Variants in GRWD1 observed in about 807,000 individuals in gnomAD.
GRWD1 encodes glutamate-rich WD repeat-containing protein 1.
A neutral mutation model predicts 45.3 loss-of-function variants in GRWD1; 29 were observed. The observed-to-expected ratio is 0.64, with a 90% confidence interval of 0.48 to 0.87. GRWD1 has a LOEUF of 0.87. GRWD1 is among the 40% of genes least tolerant of loss of function. The probability of loss-of-function intolerance (pLI) is 0.00; values close to 1 mark genes in which losing one functional copy is unlikely to be tolerated. For synonymous variants in GRWD1, 262 were observed against 257.6 expected, an observed-to-expected ratio of 1.02 and a Z score of -0.16; for missense variants, 592 against 618.8, an observed-to-expected ratio of 0.96 and a Z score of 0.46.
In GRWD1 at chr19:48,450,638, G is replaced by A. The variant is rs771599461; in HGVS notation, c.683-28G>A. 8.1e-6 allele frequency: 13 copies of A among 1,611,342 alleles called. No homozygotes were observed. Among genetic ancestry groups the A allele is most frequent in the South Asian group, 6.6e-5 (6 of 91,002 alleles). The stretch of plus-strand genomic sequence containing the variant: ...GGAGCGAGCTGCGGCCAGGTGGGGC[G>A]AGGTCATTTCCTGACTCCCTTCCCC... On this transcript the variant is annotated intron_variant, in intron 4 of 6. Coordinates refer to ENST00000253237, the MANE Select transcript of GRWD1 (RefSeq NM_031485.4). The surrounding 1 kb of genome is among the most constrained non-coding windows in gnomAD (Gnocchi z 5.1).
intron 3 of GRWD1, among the ~76,000 whole-genome samples, chr19:48,447,275 C>G (rs1328830827): frequency 1.3e-5 from 2 of 151,800 alleles, no homozygotes; most frequent in Non-Finnish European, 1.5e-5. Flanking sequence ...GAGATGAAGT[C>G]TTGCTCTGTC....
rs1012943613 is a variant in GRWD1 at position 48,450,158 on chromosome 19, C to T, written c.469-155C>T. Among the ~76,000 whole-genome samples the T allele has an allele frequency of 6.8e-6, 1 of 146,954 alleles. No homozygotes were observed. Among genetic ancestry groups the T allele is most frequent in the Non-Finnish European group, 1.5e-5 (1 of 66,534 alleles). On this transcript the variant is annotated intron_variant, in intron 3 of 6. Coordinates refer to ENST00000253237, the MANE Select transcript of GRWD1 (RefSeq NM_031485.4). The surrounding 1 kb of genome is among the most constrained non-coding windows in gnomAD (Gnocchi z 5.1). ...GCTGGTTTTTGCAGGTTGTGATTTT[C>T]TTCCCACAGAGGTTTCAAGGAGCTG... is the stretch of plus-strand genomic sequence containing the variant.
At position 48,454,096 on chromosome 19, in the gene GRWD1, C is replaced by T. The variant is rs1054707900; in HGVS notation, c.*1071C>T. The T allele has an allele frequency of 6.6e-6, 1 of 152,260 alleles. No individual in the cohort carries two copies. The highest frequency in any genetic ancestry group is 1.5e-5 in the Non-Finnish European group (1 of 68,140). The allele number at this position is 152,260 out of a possible 1,614,324, so 9.4% of individuals were successfully genotyped here. ...CGTTCTGCCTTCTCTAAGTGTCCTT[C>T]CATCTGGAACTCACTCTGGCTTAGT... On this transcript the variant is annotated 3_prime_UTR_variant, in exon 7 of 7. Transcript: ENST00000253237.
At position 48,452,750 on chromosome 19, in the gene GRWD1, G is replaced by A. The variant is rs765966446; in HGVS notation, c.1066G>A (p.Val356Met). The A allele has an allele frequency of 1.9e-6, 3 of 1,597,824 alleles. No individual in the cohort carries two copies. The highest frequency in any genetic ancestry group is 2.6e-6 in the Non-Finnish European group (3 of 1,168,040). ...CACCTTCAAGCAGCACGTGGCCCCCGTGACCTCCGTCGAGTGGCACCCCCA... is the reference window on the plus strand; with the variant it reads ...CACCTTCAAGCAGCACGTGGCCCCCATGACCTCCGTCGAGTGGCACCCCCA... ...VATFKQHVAP[V>M]TSVEWHPQDS... The change falls in exon 7 of 7, where the codon GTG (valine) becomes ATG (methionine). Residue 356 changes from valine to methionine, a missense_variant. Transcript: ENST00000253237. The surrounding 1 kb of genome is among the most constrained non-coding windows in gnomAD (Gnocchi z 5.1).
chr19:48,451,352 TA>T (rs1357490032), intron 6 of GRWD1, 121 bp downstream of exon 6: 7 of 830,700 alleles, frequency 8.4e-6, no homozygotes, highest in Non-Finnish European at 1.1e-5. Flanking sequence ...CCCTTAGAAC[TA>T]GACTCCTGCC....
chr19:48,453,259 TGTGTGGCCTG>T lies in GRWD1; in HGVS notation c.*245_*254del, dbSNP rs569898395. ...GTAAGACCACTCCCACCCAGAGACTTGTGTGGCCTGGTGTGGCCTGTGTGTCGGATTCCTT... is the reference window on the plus strand; with the variant it reads ...GTAAGACCACTCCCACCCAGAGACTTGTGTGGCCTGTGTGTCGGATTCCTT... On this transcript the variant is annotated 3_prime_UTR_variant, in exon 7 of 7. Coordinates refer to ENST00000253237, the MANE Select transcript of GRWD1 (RefSeq NM_031485.4). 1,071 of 488,182 alleles carry T rather than the reference TGTGTGGCCTG, an allele frequency of 2.2e-3. 1 individual carries two copies. The highest frequency in any genetic ancestry group is 3.0e-3 in the Non-Finnish European group (838 of 274,802). The allele number at this position is 488,182 out of a possible 1,614,324, so 30.2% of individuals were successfully genotyped here.
In GRWD1 at chr19:48,446,053, C is replaced by T; in HGVS notation, c.48C>T (p.Pro16=). 6.3e-7 allele frequency: 1 copy of T among 1,597,814 alleles called. No individual in the cohort carries two copies. The highest frequency in any genetic ancestry group is 8.5e-7 in the Non-Finnish European group (1 of 1,173,680). Residue 16 remains proline (P), a synonymous_variant, in exon 1 of 7, where the codon CCC becomes CCT. Coordinates refer to ENST00000253237, the MANE Select transcript of GRWD1 (RefSeq NM_031485.4). ...GGCGCACGTGTGAAACCGGGGAACC[C>T]ATGGAAGCCGAGTCCGGCGACACAA... ...GRRRTCETGE[P]MEAESGDTSS... is the part of the protein sequence containing the mutation.
Position 48,453,085 on chromosome 19 carries a change from C to T in GRWD1, c.*60C>T. On this transcript the variant is annotated 3_prime_UTR_variant, in exon 7 of 7. Transcript: ENST00000253237. The stretch of plus-strand genomic sequence containing the variant: ...GGAAACTGAAGTCGAATTGGGCTCC[C>T]CTGGAAGGGGTTCATTCAGGTCTGT... 3 of 1,467,050 alleles carry T rather than the reference C, an allele frequency of 2.0e-6. No individual in the cohort carries two copies. The highest frequency in any genetic ancestry group is 2.8e-6 in the Non-Finnish European group (3 of 1,086,044). The allele number at this position is 1,467,050 out of a possible 1,614,324, so 90.9% of individuals were successfully genotyped here. A position where few individuals can be genotyped will look rare whatever the true frequency, so the allele number is the denominator to read the frequency against.
rs189622051 is a variant in GRWD1, at chr19:48,447,492, C to T, written c.468+649C>T. Among the ~76,000 whole-genome samples the T allele has an allele frequency of 3.0e-3, 459 of 152,154 alleles. 14 individuals are homozygous for T. Among genetic ancestry groups the T allele is most frequent in the East Asian group, 5.6e-3 (29 of 5,152 alleles). ...TCCTGACCTCGTGATCCGCCTGCCT[C>T]GGCTTCCCAAAGTGCTGAGATTACA... On this transcript the variant is annotated intron_variant, in intron 3 of 6. Transcript: ENST00000253237.
rs1346304672 is a variant in GRWD1 at position 48,454,771 on chromosome 19, A to AC, written c.*1750dup. On this transcript the variant is annotated 3_prime_UTR_variant, in exon 7 of 7. Transcript: ENST00000253237. ...CCCAGGTTCAGTGCCTCCAACTCTC[A>AC]CCCCATCCCCATTTTATGCATTTTC... The AC allele has an allele frequency of 6.7e-6, 1 of 149,492 alleles. No homozygotes were observed. The highest frequency in any genetic ancestry group is 1.5e-5 in the Non-Finnish European group (1 of 67,524). 9.3% of individuals were successfully genotyped at this position (149,492 alleles called of 1,614,324 possible).
chr19:48,450,593 G>C lies in GRWD1; in HGVS notation c.682+67G>C. 1 of 1,609,702 alleles carries C rather than the reference G, an allele frequency of 6.2e-7. No homozygotes were observed. Among genetic ancestry groups the C allele is most frequent in the Non-Finnish European group, 8.5e-7 (1 of 1,177,262 alleles). The stretch of plus-strand genomic sequence containing the variant: ...AGCAGGGTCTGCAACAAGGGGCCGG[G>C]CGCTTAGACTCCAAGGAGGGGAGCG... On this transcript the variant is annotated intron_variant, in intron 4 of 6. Coordinates refer to ENST00000253237, the MANE Select transcript of GRWD1 (RefSeq NM_031485.4). The surrounding 1 kb of genome is among the most constrained non-coding windows in gnomAD (Gnocchi z 5.1).
In GRWD1 at chr19:48,450,531, G is replaced by A. The variant is rs771389806; in HGVS notation, c.682+5G>A. 33 of 1,613,774 alleles carry A rather than the reference G, an allele frequency of 2.0e-5. No individual in the cohort carries two copies. Among genetic ancestry groups the A allele is most frequent in the Non-Finnish European group, 2.7e-5 (32 of 1,179,756 alleles). On this transcript the variant is annotated splice_donor_5th_base_variant and intron_variant, in intron 4 of 6. Transcript: ENST00000253237. The surrounding 1 kb of genome is among the most constrained non-coding windows in gnomAD (Gnocchi z 5.1). ...ACTGGTCCCCCCGGGTGACCGGTGA[G>A]TCCCTGGGGTGTTCAGGAGTCCCGG... is the stretch of plus-strand genomic sequence containing the variant.
rs1971480951 is a variant in GRWD1, at chr19:48,452,075, G to A, written c.1024-633G>A. Among the ~76,000 whole-genome samples the A allele has an allele frequency of 6.7e-6, 1 of 148,264 alleles. No homozygotes were observed. The highest frequency in any genetic ancestry group is 1.5e-5 in the Non-Finnish European group (1 of 67,350). ...GCTGGGAGAGCTCTGGGAGAGCCATGCCCTCCTTTTTTTCTTTTTTTTTTT... is the reference window on the plus strand; with the variant it reads ...GCTGGGAGAGCTCTGGGAGAGCCATACCCTCCTTTTTTTCTTTTTTTTTTT... On this transcript the variant is annotated intron_variant, in intron 6 of 6. Transcript: ENST00000253237. The surrounding 1 kb of genome is among the most constrained non-coding windows in gnomAD (Gnocchi z 5.1).
Position 48,454,169 on chromosome 19 carries a change from T to A in GRWD1, c.*1144T>A. Reference sequence around the variant, plus strand: ...CCCACCAGCTTATGAAGGCTTCATCTCAGGGAACTCTGGACCCCCCATTTC... The same window carrying A: ...CCCACCAGCTTATGAAGGCTTCATCACAGGGAACTCTGGACCCCCCATTTC... On this transcript the variant is annotated 3_prime_UTR_variant, in exon 7 of 7. Coordinates refer to ENST00000253237, the MANE Select transcript of GRWD1 (RefSeq NM_031485.4). 6.6e-6 allele frequency: 1 copy of A among 152,356 alleles called. No individual in the cohort carries two copies. The highest frequency in any genetic ancestry group is 1.5e-5 in the Non-Finnish European group (1 of 68,210). 9.4% of individuals were successfully genotyped at this position (152,356 alleles called of 1,614,324 possible).
rs372404488 is a variant in GRWD1 at position 48,451,220 on chromosome 19, C to G, written c.1012C>G (p.Arg338Gly). 2 of 1,594,018 alleles carry G rather than the reference C, an allele frequency of 1.3e-6. No homozygotes were observed. Among genetic ancestry groups the G allele is most frequent in the Non-Finnish European group, 1.7e-6 (2 of 1,166,808 alleles). Residue 338 changes from arginine to glycine, a missense_variant, in exon 6 of 7, where the codon CGG (arginine) becomes GGG (glycine). Coordinates refer to ENST00000253237, the MANE Select transcript of GRWD1 (RefSeq NM_031485.4). ...TGGGGCCCTCAAGATCTGGGACCTT[C>G]GGCAGTTCAAGGTATTTTCCCAGCC... Reference protein sequence around the residue: ...DDGALKIWDLRQFKSGSPVAT... With the variant: ...DDGALKIWDLGQFKSGSPVAT...
At chr19:48,446,598 A>T in intron 2 of GRWD1, 83 bp from the exon 3 acceptor site, 1 of 1,559,686 alleles carries the variant, frequency 6.4e-7, no homozygotes, top group Middle Eastern at 1.7e-4. Context: ...CCTCTCGCAG[A>T]TCCAGGAGTC....
intron 3 of GRWD1, among the ~76,000 whole-genome samples, chr19:48,447,285 C>T (rs180692583): frequency 2.6e-5 from 4 of 151,758 alleles, no homozygotes; most frequent in Non-Finnish European, 2.9e-5. Context: ...CTTGCTCTGT[C>T]GCTTAGACTG....
rs1487163884 is a variant in GRWD1, at chr19:48,456,115, A to G, written c.*3090A>G. On this transcript the variant is annotated 3_prime_UTR_variant, in exon 7 of 7. Transcript: ENST00000253237. The stretch of plus-strand genomic sequence containing the variant: ...TTTCTGTGAAAAGCCAGGTCCCTTC[A>G]TCAAAGGGCTTTGGTGAGAGATGGG... 1.3e-5 allele frequency: 2 copies of G among 152,250 alleles called. No individual in the cohort carries two copies. Among genetic ancestry groups the G allele is most frequent in the African/African-American group, 4.8e-5 (2 of 41,454 alleles). The allele number at this position is 152,250 out of a possible 1,614,324, so 9.4% of individuals were successfully genotyped here.
chr19:48,446,927 TCA>T (rs1555895733), intron 3 of GRWD1, 84 bp downstream of exon 3: 6 of 388,416 alleles, frequency 1.5e-5, no homozygotes, highest in South Asian at 1.5e-4. Context: ...CAACACCTCC[TCA>T]TGTTCTTTTT....
Sources: gnomAD v4.1 joint callset for allele counts (sites outside exome capture counted in the v4.1 genomes callset) on GRCh38, gnomAD v4.1.1 for gene constraint, Gnocchi (gnomAD v3.1) non-coding constraint, MANE v1.5 for transcripts, NCBI Gene and HGNC (gene_info 2026-07-23, HGNC 2026-07-21) for gene names.